The following NRG3 variants were observed in gnomAD, a reference collection of about 807,000 sequenced individuals.
NRG3 encodes the protein pro-neuregulin-3, membrane-bound isoform.
NRG3 carries 31 observed loss-of-function variants against 66.9 expected under a neutral mutation model. The observed-to-expected ratio is 0.46, with a 90% CI of 0.35 to 0.63. The LOEUF (loss-of-function observed/expected upper bound fraction) is 0.63, where lower values mean the gene tolerates loss of function less well. Among genes scored for constraint, NRG3 ranks in the 20% least tolerant of loss-of-function variants. The probability of loss-of-function intolerance (pLI) is 0.00; values close to 1 mark genes in which losing one functional copy is unlikely to be tolerated. For synonymous variants in NRG3, 393 were observed against 359.4 expected, an observed-to-expected ratio of 1.09 and a Z score of -1.06; for missense variants, 910 against 878.9, an observed-to-expected ratio of 1.04 and a Z score of -0.45.
intron 2 of NRG3, among the ~76,000 whole-genome samples, chr10:82,675,023 G>A (rs187834660): frequency 3.3e-5 from 5 of 151,450 alleles, no homozygotes; most frequent in Admixed American, 2.0e-4. Flanking sequence ...GCAATGGCGC[G>A]CCTCGGCTCA....
chr10:82,104,190 T>C lies in NRG3; in HGVS notation c.823+228027T>C, dbSNP rs148727572. 6.6e-4 allele frequency among the ~76,000 whole-genome samples: 101 copies of C among 152,288 alleles called. 1 individual carries two copies. In the East Asian group the frequency reaches 0.018, roughly 26 times the overall value. ...TTCTGTTCAGAGATTTTAGCCATAA[T>C]CAGTGAAAGAGGTTGGCAATAGCAG... is the stretch of plus-strand genomic sequence containing the variant. On this transcript the variant is annotated intron_variant, in intron 1 of 8. Transcript: ENST00000372141.
Position 82,555,198 on chromosome 10 carries a change from C to T in NRG3, c.954-183379C>T, listed in dbSNP as rs189665921. ...TTCTTAGTTTTTTCTATAGATTAAC[C>T]TTATTCTCTGGTCTACAATTATAAT... is the stretch of plus-strand genomic sequence containing the variant. On this transcript the variant is annotated intron_variant, in intron 2 of 8. Transcript: ENST00000372141. 4.3e-3 allele frequency among the ~76,000 whole-genome samples: 659 copies of T among 152,238 alleles called. 2 individuals carry two copies. The highest frequency in any genetic ancestry group is 0.024 in the Middle Eastern group (7 of 294).
intron 3 of NRG3, among the ~76,000 whole-genome samples, chr10:82,742,823 AC>A (rs1405585758): frequency 1.3e-5 from 2 of 152,196 alleles, no homozygotes; most frequent in Admixed American, 1.3e-4. Flanking sequence ...CAGGGTAGTT[AC>A]CATCCTCAGC....
chr10:81,971,164 T>G (rs2133369932), intron 1 of NRG3, among the ~76,000 whole-genome samples: 1 of 152,230 alleles, frequency 6.6e-6, no homozygotes. Context: ...GAACACAACA[T>G]TAAGTATTGT....
intron 2 of NRG3, among the ~76,000 whole-genome samples, chr10:82,451,317 T>G (rs1345527267): frequency 6.6e-6 from 1 of 152,118 alleles, no homozygotes; most frequent in Admixed American, 6.6e-5. Flanking sequence ...AGGATTATAT[T>G]ATATGACTTG....
At chr10:82,238,933 T>TGTATATATATATGTATATACATA (rs2076883881) in intron 1 of NRG3, among the ~76,000 whole-genome samples, 1 of 144,822 alleles carries the variant, frequency 6.9e-6, no homozygotes, top group Non-Finnish European at 1.5e-5. Context: ...TATATAATAT[T>TGTATATATATATGTATATACATA]TATATAATAT....
chr10:81,982,635 T>G (rs1287945405), intron 1 of NRG3, among the ~76,000 whole-genome samples: 2 of 152,212 alleles, frequency 1.3e-5, no homozygotes, highest in African/African-American at 2.4e-5. Context: ...GATGGCCATC[T>G]TCTGTCTCTG....
At chr10:82,236,173 AG>A in intron 1 of NRG3, among the ~76,000 whole-genome samples, 1 of 152,346 alleles carries the variant, frequency 6.6e-6, no homozygotes, top group South Asian at 2.1e-4. Context: ...AAGATACAAA[AG>A]ATGACCTTTA....
At chr10:82,729,980 CA>C (rs1275771236) in intron 2 of NRG3, among the ~76,000 whole-genome samples, 2 of 152,048 alleles carry the variant, frequency 1.3e-5, no homozygotes, top group African/African-American at 4.8e-5. Context: ...ATTTTAAATT[CA>C]CACGTAAAAA....
At chr10:82,256,701 A>G (rs1007908166) in intron 1 of NRG3, among the ~76,000 whole-genome samples, 2 of 152,172 alleles carry the variant, frequency 1.3e-5, no homozygotes, top group African/African-American at 2.4e-5. Flanking sequence ...TTCTATTTCT[A>G]TCTTCTAACT....
chr10:82,270,039 G>A (rs2078512089), intron 1 of NRG3, among the ~76,000 whole-genome samples: 2 of 152,152 alleles, frequency 1.3e-5, no homozygotes, highest in South Asian at 2.1e-4. Context: ...AACGACATGA[G>A]TATATAAGCA....
chr10:82,781,791 G>T (rs2060127221), intron 3 of NRG3, among the ~76,000 whole-genome samples: 1 of 152,038 alleles, frequency 6.6e-6, no homozygotes, highest in Non-Finnish European at 1.5e-5. Flanking sequence ...CCTGAAGAGT[G>T]TGTAGTAGTC....
rs1237365018 is a variant in NRG3, at chr10:82,225,241, C to A, written c.824-133498C>A. On this transcript the variant is annotated intron_variant, in intron 1 of 8. Coordinates refer to ENST00000372141, the MANE Select transcript of NRG3 (RefSeq NM_001010848.4). ...CAAGTTCTAACTACGGTATTAACAC[C>A]TAAAATCAGTTGAATATCATTTGCA... 2.0e-5 allele frequency among the ~76,000 whole-genome samples: 3 copies of A among 152,168 alleles called. No homozygotes were observed. In the South Asian group the frequency reaches 6.2e-4, roughly 32 times the overall value.
rs2060924976 is a variant in NRG3, at chr10:81,995,947, C to T, written c.823+119784C>T. Among the ~76,000 whole-genome samples the T allele has an allele frequency of 2.6e-5, 4 of 152,154 alleles. No individual in the cohort carries two copies. In the South Asian group the frequency reaches 8.3e-4, roughly 31 times the overall value. ...GGACTGAAATTGTTTTCACATGGCT[C>T]TCTTCACTGGAAAGCCCTGGGTTAA... is the stretch of plus-strand genomic sequence containing the variant. On this transcript the variant is annotated intron_variant, in intron 1 of 8. Transcript: ENST00000372141.
At chr10:82,530,694 G>A (rs1417532931) in intron 2 of NRG3, among the ~76,000 whole-genome samples, 1 of 151,780 alleles carries the variant, frequency 6.6e-6, no homozygotes, top group African/African-American at 2.4e-5. Context: ...AAAAATAAAG[G>A]AAAGACTGAA....
chr10:82,819,385 A>C (rs2061850766), intron 3 of NRG3, among the ~76,000 whole-genome samples: 1 of 152,232 alleles, frequency 6.6e-6, no homozygotes, highest in Non-Finnish European at 1.5e-5. Flanking sequence ...GAGACCTGAT[A>C]GGAATTTTAA....
chr10:81,974,255 C>T (rs2060034782), intron 1 of NRG3, among the ~76,000 whole-genome samples: 1 of 152,040 alleles, frequency 6.6e-6, no homozygotes, highest in Non-Finnish European at 1.5e-5. Context: ...CTATTCTGCT[C>T]CATTGATCTA....
intron 1 of NRG3, among the ~76,000 whole-genome samples, chr10:82,358,273 T>C (rs555686166): frequency 2.5e-3 from 338 of 135,956 alleles, no homozygotes; most frequent in African/African-American, 0.011. Context: ...ATTAGCCAAT[T>C]ATAGCTGTAA....
At chr10:82,520,979 A>AAAC (rs145178333) in intron 2 of NRG3, among the ~76,000 whole-genome samples, 3,590 of 152,280 alleles carry the variant, frequency 0.024, 70 homozygotes, top group Middle Eastern at 0.068. Context: ...TTTCAGATAA[A>AAAC]AAATAATTTT....
Sources: gnomAD v4.1 joint callset for allele counts (sites outside exome capture counted in the v4.1 genomes callset) on GRCh38, gnomAD v4.1.1 for gene constraint, MANE v1.5 for transcripts, NCBI Gene and HGNC (gene_info 2026-07-23, HGNC 2026-07-21) for gene names.